TULP3: variants seen among roughly 807,000 people sequenced by gnomAD.
TULP3 encodes TUB like protein 3.
Under a neutral mutation model 50.7 loss-of-function variants are expected in TULP3, and 38 were observed. That is an observed-to-expected ratio of 0.75 (90% CI 0.58 to 0.98). The LOEUF (loss-of-function observed/expected upper bound fraction) is 0.98. Ranked by LOEUF, TULP3 falls within the 50% of genes least tolerant of loss-of-function variation. TULP3 has a pLI of 0.00. For missense variants in TULP3, 550 were observed against 568.0 expected (o/e 0.97, Z 0.32); for synonymous variants, 183 against 196.6 (o/e 0.93, Z 0.58).
chr12:2,909,610 T>C (rs746513259), intron 2 of TULP3, 30 bp downstream of exon 2: 3 of 1,577,766 alleles, frequency 1.9e-6, no homozygotes, highest in Non-Finnish European at 2.6e-6. Context: ...TTGAAATAGG[T>C]GGCCAACTAT....
intron 1 of TULP3, among the ~76,000 whole-genome samples, chr12:2,895,892 A>T (rs1197319909): frequency 6.9e-6 from 1 of 144,754 alleles, no homozygotes; most frequent in South Asian, 2.2e-4. Flanking sequence ...CAATTGGAAC[A>T]CACTGGTAAG....
chr12:2,921,334 G>A (rs1443213171), intron 3 of TULP3, among the ~76,000 whole-genome samples: 1 of 151,668 alleles, frequency 6.6e-6, no homozygotes, highest in Non-Finnish European at 1.5e-5. Flanking sequence ...TAGAGACGGG[G>A]TTTTACTATG....
chr12:2,916,166 C>T (rs575747122), intron 2 of TULP3, among the ~76,000 whole-genome samples: 2 of 152,256 alleles, frequency 1.3e-5, no homozygotes, highest in Non-Finnish European at 2.9e-5. Flanking sequence ...TGTGCCACCA[C>T]ATCCAGCTAA....
At chr12:2,891,188 G>A (rs573271172) in intron 1 of TULP3, among the ~76,000 whole-genome samples, 200 bp downstream of exon 1, 1 of 152,256 alleles carries the variant, frequency 6.6e-6, no homozygotes, top group East Asian at 1.9e-4. Context: ...TGGAGCGGCG[G>A]CACTACATCC....
At chr12:2,932,516 G>T (rs2098198687) in intron 6 of TULP3, among the ~76,000 whole-genome samples, 1 of 148,764 alleles carries the variant, frequency 6.7e-6, no homozygotes, top group South Asian at 2.1e-4. Flanking sequence ...GGAGGCAGAG[G>T]TTGCAGTGAG....
chr12:2,905,378 G>A (rs1377941365), intron 1 of TULP3, among the ~76,000 whole-genome samples: 3 of 151,808 alleles, frequency 2.0e-5, no homozygotes, highest in Admixed American at 2.0e-4. Context: ...TAGAGACGGG[G>A]TTTCACCATG....
At chr12:2,908,606 T>TAG (rs2098183740) in intron 1 of TULP3, among the ~76,000 whole-genome samples, 1 of 113,210 alleles carries the variant, frequency 8.8e-6, no homozygotes, top group Non-Finnish European at 1.8e-5. Context: ...TGTATCTTAG[T>TAG]AGAGACGGTT....
intron 4 of TULP3, among the ~76,000 whole-genome samples, chr12:2,928,517 C>T (rs549053195): frequency 3.2e-4 from 48 of 150,740 alleles, no homozygotes; most frequent in Middle Eastern, 3.5e-3. Flanking sequence ...GCAACGAGAG[C>T]GAAACTCCAT....
Position 2,940,536 on chromosome 12 carries a change from T to A in TULP3, c.*1092T>A. The stretch of plus-strand genomic sequence containing the variant: ...ACCAGTTCACCCTTCCCAGAATGTA[T>A]CCAAACCTTGAGAATGCAGGAGCTC... On this transcript the variant is annotated 3_prime_UTR_variant, in exon 11 of 11. Coordinates refer to ENST00000448120, the MANE Select transcript of TULP3 (RefSeq NM_003324.5). The A allele has an allele frequency of 6.5e-7, 1 of 1,549,632 alleles. No individual in the cohort carries two copies. Among genetic ancestry groups the A allele is most frequent in the Non-Finnish European group, 8.7e-7 (1 of 1,145,882 alleles).
At position 2,920,856 on chromosome 12, in the gene TULP3, A is replaced by G. The variant is rs746242429; in HGVS notation, c.187A>G (p.Arg63Gly). The G allele has an allele frequency of 3.1e-6, 5 of 1,614,044 alleles. No individual in the cohort carries two copies. In the African/African-American group the frequency reaches 5.3e-5, roughly 17 times the overall value. ...AGCCAGGCTACGTCGGGCAAAGCCA[A>G]GGGCCAGTGATGAGCAGACTCCCTT... Reference protein sequence around the residue: ...PEARLRRAKPRASDEQTPLVN... With the variant: ...PEARLRRAKPGASDEQTPLVN... The change falls in exon 3 of 11, where the codon AGG (arginine) becomes GGG (glycine). Residue 63 changes from arginine (R) to glycine (G), a missense_variant. Coordinates refer to ENST00000448120, the MANE Select transcript of TULP3 (RefSeq NM_003324.5).
At chr12:2,902,923 G>A (rs1321456722) in intron 1 of TULP3, among the ~76,000 whole-genome samples, 3 of 150,972 alleles carry the variant, frequency 2.0e-5, no homozygotes, top group East Asian at 2.0e-4. Context: ...GTGTCATGGC[G>A]TGATCCCAGC....
chr12:2,922,273 C>G lies in TULP3; in HGVS notation c.265C>G (p.Pro89Ala). 6.2e-7 allele frequency: 1 copy of G among 1,612,844 alleles called. No homozygotes were observed. The highest frequency in any genetic ancestry group is 1.3e-5 in the African/African-American group (1 of 74,944). The change falls in exon 4 of 11, where the codon CCA becomes GCA. Residue 89 changes from proline to alanine, a missense_variant. Transcript: ENST00000448120. The part of the protein sequence containing the change: ...SNVILHGIDG[P>A]AAVLKPDEVH... ...ATTTTGGCCCTTAGGTATTGATGGT[C>G]CAGCTGCTGTCCTGAAACCAGACGA...
At chr12:2,928,770 C>T (rs1267741012) in intron 4 of TULP3, among the ~76,000 whole-genome samples, 1 of 151,994 alleles carries the variant, frequency 6.6e-6, no homozygotes, top group Non-Finnish European at 1.5e-5. Flanking sequence ...TGGTGAAACC[C>T]TGTCTCTACT....
At chr12:2,937,835 A>C (rs1437703734) in intron 9 of TULP3, 106 bp downstream of exon 9, 1 of 1,009,422 alleles carries the variant, frequency 9.9e-7, no homozygotes, top group East Asian at 2.6e-5. Flanking sequence ...CCAGAGCCCC[A>C]CACTGGAGAT....
At chr12:2,930,766 G>T in intron 5 of TULP3, 1 of 541,668 alleles carries the variant, frequency 1.8e-6, no homozygotes, top group East Asian at 3.3e-5. Flanking sequence ...CTGAGTGAGG[G>T]TTCCTTCAGA....
rs765658989 is a variant in TULP3, at chr12:2,890,934, C to T, written c.-14C>T. ...AAGAGTGTGTACGTGGTGGGGGCTT[C>T]CTCGGTGGCGGGCATGGAGGCTTCG... On this transcript the variant is annotated 5_prime_UTR_variant, in exon 1 of 11. Coordinates refer to ENST00000448120, the MANE Select transcript of TULP3 (RefSeq NM_003324.5). The T allele has an allele frequency of 6.3e-7, 1 of 1,594,256 alleles. No homozygotes were observed. Among genetic ancestry groups the T allele is most frequent in the South Asian group, 1.1e-5 (1 of 88,228 alleles).
rs1477554712 is a variant in TULP3 at position 2,931,229 on chromosome 12, G to GAAAAT, written c.686_690dup (p.Gln231LysfsTer60). 14 of 1,613,728 alleles carry GAAAAT rather than the reference G, an allele frequency of 8.7e-6. No homozygotes were observed. Among genetic ancestry groups the GAAAAT allele is most frequent in the Non-Finnish European group, 1.2e-5 (14 of 1,179,952 alleles). On this transcript the variant is annotated frameshift_variant, in exon 6 of 11. Coordinates refer to ENST00000448120, the MANE Select transcript of TULP3 (RefSeq NM_003324.5). LOFTEE classifies it high-confidence loss of function. ...CTACTATATGTACTTGGAAAAAGAA[G>GAAAAT]AAAATCAGAAGGTATGAGAATTGAT...
intron 2 of TULP3, among the ~76,000 whole-genome samples, chr12:2,915,888 GC>G (rs1045335900): frequency 6.6e-6 from 1 of 151,960 alleles, no homozygotes; most frequent in Non-Finnish European, 1.5e-5. Context: ...CTAGCCTGAT[GC>G]TGGTTGTACT....
chr12:2,929,185 C>T (rs1446145418), intron 4 of TULP3, among the ~76,000 whole-genome samples: 17 of 151,898 alleles, frequency 1.1e-4, no homozygotes, highest in Non-Finnish European at 1.8e-4. Flanking sequence ...GGCATGGTGG[C>T]GCGCGCCTGT....
Sources: gnomAD v4.1 joint callset for allele counts (sites outside exome capture counted in the v4.1 genomes callset) on GRCh38, gnomAD v4.1.1 for gene constraint, MANE v1.5 for transcripts, NCBI Gene and HGNC (gene_info 2026-07-23, HGNC 2026-07-21) for gene names.